PAN3: variants seen among roughly 807,000 people sequenced by gnomAD.
PAN3 encodes PAN2-PAN3 deadenylation complex subunit PAN3.
Under a neutral mutation model 96.2 loss-of-function variants are expected in PAN3, and 19 were observed. That is an observed-to-expected ratio of 0.20 (90% confidence interval 0.14 to 0.29). The LOEUF is 0.29. Among genes scored for constraint, PAN3 ranks in the 10% least tolerant of loss-of-function variants. PAN3 has a pLI of 1.00. For synonymous variants in PAN3, 433 were observed against 406.6 expected (o/e 1.06, Z -0.78); for missense variants, 882 against 1,108.1 (o/e 0.80, Z 2.90).
At chr13:28,202,807 T>C (rs1593464604) in intron 5 of PAN3, among the ~76,000 whole-genome samples, 1 of 152,214 alleles carries the variant, frequency 6.6e-6, no homozygotes, top group Non-Finnish European at 1.5e-5. Flanking sequence ...AGGTTAAGCA[T>C]GTGTTTATTT....
chr13:28,152,988 CT>C (rs1871569463), intron 1 of PAN3, among the ~76,000 whole-genome samples: 1 of 152,078 alleles, frequency 6.6e-6, no homozygotes, highest in South Asian at 2.1e-4. Context: ...TGTCCACATC[CT>C]TTGGCACAAT....
intron 1 of PAN3, among the ~76,000 whole-genome samples, chr13:28,158,624 TC>T (rs1872517733): frequency 6.6e-6 from 1 of 152,198 alleles, no homozygotes; most frequent in Admixed American, 6.5e-5. Context: ...ACGCCTGTAA[TC>T]CCAGCACTTT....
intron 1 of PAN3, among the ~76,000 whole-genome samples, chr13:28,171,975 G>A (rs1471429403): frequency 6.6e-6 from 1 of 152,162 alleles, no homozygotes; most frequent in Non-Finnish European, 1.5e-5. Flanking sequence ...GGAGGTCTGT[G>A]TTAGGAACCG....
At chr13:28,236,876 G>A (rs1883164164) in intron 6 of PAN3, among the ~76,000 whole-genome samples, 1 of 152,098 alleles carries the variant, frequency 6.6e-6, no homozygotes. Flanking sequence ...AAAGCGTTTT[G>A]TTTTGTTTTG....
At chr13:28,271,797 T>C (rs547594496) in intron 13 of PAN3, among the ~76,000 whole-genome samples, 184 bp from the exon 14 acceptor site, 9 of 152,320 alleles carry the variant, frequency 5.9e-5, no homozygotes, top group African/African-American at 2.2e-4. Flanking sequence ...TCACTTGATA[T>C]CTCTGAGCCT....
chr13:28,178,915 T>G (rs1456787271), intron 4 of PAN3, among the ~76,000 whole-genome samples: 1 of 152,078 alleles, frequency 6.6e-6, no homozygotes, highest in Non-Finnish European at 1.5e-5. Flanking sequence ...TGTATAGCGT[T>G]TTACATGTCA....
chr13:28,231,707 T>A (rs1299468471), intron 6 of PAN3, among the ~76,000 whole-genome samples: 1 of 152,100 alleles, frequency 6.6e-6, no homozygotes, highest in East Asian at 1.9e-4. Context: ...AAAATAAGTC[T>A]AGGCAACACA....
chr13:28,271,128 A>C (rs1445541137), intron 13 of PAN3, among the ~76,000 whole-genome samples: 4 of 152,230 alleles, frequency 2.6e-5, no homozygotes, highest in Admixed American at 6.5e-5. Flanking sequence ...AAATAATATC[A>C]ATACAACTTT....
At chr13:28,290,507 C>A (rs1372701061) in intron 18 of PAN3, among the ~76,000 whole-genome samples, 1 of 152,050 alleles carries the variant, frequency 6.6e-6, no homozygotes, top group Non-Finnish European at 1.5e-5. Context: ...TGTGGAGAAA[C>A]CCCATCTCTA....
chr13:28,184,196 G>C (rs572752216), intron 4 of PAN3, among the ~76,000 whole-genome samples: 1 of 152,154 alleles, frequency 6.6e-6, no homozygotes, highest in African/African-American at 2.4e-5. Flanking sequence ...ATTGCAGACA[G>C]ATAGAAACTT....
intron 1 of PAN3, among the ~76,000 whole-genome samples, chr13:28,147,889 TTC>T (rs1357142111): frequency 6.7e-6 from 1 of 150,150 alleles, no homozygotes; most frequent in African/African-American, 2.5e-5. Flanking sequence ...TCTTTTGGCA[TTC>T]TCTCTCTTGC....
chr13:28,160,389 G>A (rs1017766991), intron 1 of PAN3, among the ~76,000 whole-genome samples: 1 of 152,164 alleles, frequency 6.6e-6, no homozygotes, highest in Non-Finnish European at 1.5e-5. Context: ...AATTAGAGGG[G>A]GCACATTTTA....
At chr13:28,168,284 A>G (rs1377944385) in intron 1 of PAN3, among the ~76,000 whole-genome samples, 4 of 152,230 alleles carry the variant, frequency 2.6e-5, no homozygotes, top group African/African-American at 9.6e-5. Flanking sequence ...CTGAAAATCA[A>G]AAATTGAAAA....
Position 28,138,723 on chromosome 13 carries a change from G to A in PAN3, c.66G>A (p.Ala22=), listed in dbSNP as rs774238679. Residue 22 remains alanine, a synonymous_variant, in exon 1 of 19, where the codon GCG becomes GCA. Transcript: ENST00000380958. ...CCTCCCCTTCCTCCTCCTCGCTGGC[G>A]GCGGCGGTGGCGGTGGTGGCCCCGC... ...AAASPSSSSL[A]AAVAVVAPPG... is the part of the protein sequence containing the mutation. 2.4e-6 allele frequency: 3 copies of A among 1,255,624 alleles called. No individual in the cohort carries two copies. Among genetic ancestry groups the A allele is most frequent in the Non-Finnish European group, 3.1e-6 (3 of 982,146 alleles). The allele number at this position is 1,255,624 out of a possible 1,614,324, so 77.8% of individuals were successfully genotyped here. A position where few individuals can be genotyped will look rare whatever the true frequency, so the allele number is the denominator to read the frequency against.
Position 28,256,424 on chromosome 13 carries a change from C to CTGT in PAN3, c.1135_1137dup (p.Val379dup), listed in dbSNP as rs529066345. The CTGT allele has an allele frequency of 3.6e-4, 582 of 1,613,998 alleles. No individual in the cohort carries two copies. The highest frequency in any genetic ancestry group is 4.8e-4 in the Non-Finnish European group (568 of 1,179,974). On this transcript the variant is annotated inframe_insertion, in exon 7 of 19. Transcript: ENST00000380958. The stretch of plus-strand genomic sequence containing the variant: ...ATGGTGCCTTCTAGTGCCTCTACAT[C>CTGT]TGTTAATAATCCTGTTTCTCAGACT...
In PAN3 at chr13:28,197,200, C is replaced by T; in HGVS notation, c.706C>T (p.Leu236=). 1 of 1,612,774 alleles carries T rather than the reference C, an allele frequency of 6.2e-7. No individual in the cohort carries two copies. The highest frequency in any genetic ancestry group is 8.5e-7 in the Non-Finnish European group (1 of 1,179,414). Residue 236 remains leucine (L), a synonymous_variant, in exon 5 of 19, where the codon CTG becomes TTG. Coordinates refer to ENST00000380958, the MANE Select transcript of PAN3 (RefSeq NM_175854.8). ...TTTTTCCTAGCCAAGGAAGTATCGC[C>T]TGGGGATGCTGGAGGAGAGGCTAGT... ...SQRRKPRKYR[L]GMLEERLVPM...
intron 17 of PAN3, among the ~76,000 whole-genome samples, chr13:28,285,498 T>C (rs898663255): frequency 3.3e-5 from 5 of 152,174 alleles, no homozygotes; most frequent in African/African-American, 9.7e-5. Context: ...TGATGTTCCT[T>C]GGTGTAGGTT....
intron 14 of PAN3, among the ~76,000 whole-genome samples, chr13:28,273,099 T>C (rs1175040861): frequency 1.3e-5 from 2 of 152,206 alleles, no homozygotes; most frequent in South Asian, 2.1e-4. Context: ...AGGTTTGTTA[T>C]TGGATTGCCA....
chr13:28,291,743 A>G (rs1440545771), intron 18 of PAN3, among the ~76,000 whole-genome samples: 1 of 152,130 alleles, frequency 6.6e-6, no homozygotes, highest in Non-Finnish European at 1.5e-5. Flanking sequence ...AGGCAGGAGA[A>G]TTGCTTGAAC....
Sources: gnomAD v4.1 joint callset for allele counts (sites outside exome capture counted in the v4.1 genomes callset) on GRCh38, gnomAD v4.1.1 for gene constraint, MANE v1.5 for transcripts, NCBI Gene and HGNC (gene_info 2026-07-23, HGNC 2026-07-21) for gene names.